The following TUBGCP3 variants were observed in gnomAD, a reference collection of about 807,000 sequenced individuals.
The protein encoded by TUBGCP3 is tubulin gamma complex component 3, also known as gamma-tubulin complex component 3.
TUBGCP3 carries 50 observed loss-of-function variants against 123.1 expected under a neutral mutation model. That is an observed-to-expected ratio of 0.41 (90% CI 0.32 to 0.51). The LOEUF is 0.51. TUBGCP3 is among the 20% of genes least tolerant of loss of function. The pLI, the probability that TUBGCP3 is intolerant of heterozygous loss-of-function variation, is 0.36. For missense variants in TUBGCP3, 882 were observed against 1,127.0 expected (o/e 0.78, Z 3.11); for synonymous variants, 405 against 413.9 (o/e 0.98, Z 0.26).
intron 14 of TUBGCP3, 69 bp from the exon 15 acceptor site, chr13:112,520,090 A>C: frequency 6.9e-7 from 1 of 1,459,598 alleles, no homozygotes; most frequent in Non-Finnish European, 9.3e-7. Context: ...AAAACGTATA[A>C]ACTATTAAAA....
intron 8 of TUBGCP3, among the ~76,000 whole-genome samples, 180 bp from the exon 9 acceptor site, chr13:112,548,356 GA>G (rs1359572976): frequency 6.6e-6 from 1 of 152,058 alleles, no homozygotes; most frequent in Admixed American, 6.5e-5. Context: ...TTAATAATAT[GA>G]AAAAAGTGTT....
rs2139071008 is a variant in TUBGCP3, at chr13:112,522,523, C to T, written c.1556-14G>A. ...ATAGGTCTGCAGCTGTAAAGAACAA[C>T]AGGGAAGAGCACACATGCATATGTA... On this transcript the variant is annotated splice_polypyrimidine_tract_variant and intron_variant, in intron 13 of 21. Coordinates refer to ENST00000261965, the MANE Select transcript of TUBGCP3 (RefSeq NM_006322.6). 2 of 1,603,680 alleles carry T rather than the reference C, an allele frequency of 1.2e-6. No individual in the cohort carries two copies. Among genetic ancestry groups the T allele is most frequent in the South Asian group, 1.1e-5 (1 of 90,392 alleles).
intron 16 of TUBGCP3, 76 bp downstream of exon 16, chr13:112,518,899 G>T: frequency 7.4e-7 from 1 of 1,349,746 alleles, no homozygotes; most frequent in Non-Finnish European, 1.1e-6. Flanking sequence ...CCCCAGAGAA[G>T]AAAGCCAATT....
intron 21 of TUBGCP3, among the ~76,000 whole-genome samples, chr13:112,487,111 C>T (rs1879739699): frequency 1.4e-5 from 2 of 147,826 alleles, no homozygotes; most frequent in South Asian, 4.3e-4. Context: ...GTATCACTGC[C>T]TTTTTAGGTG....
In TUBGCP3 at chr13:112,516,425, G is replaced by A. The variant is rs182022351; in HGVS notation, c.2086+15C>T. 2.1e-4 allele frequency: 326 copies of A among 1,585,462 alleles called. No individual in the cohort carries two copies. The highest frequency in any genetic ancestry group is 9.3e-4 in the African/African-American group (69 of 74,446). ...TGGGAGTGTGTGCGGACCCGTGACC[G>A]TGCTGGGGGCTCACCTGGCATGTTT... On this transcript the variant is annotated intron_variant, in intron 17 of 21. Transcript: ENST00000261965.
chr13:112,492,813 C>T (rs1880200565), intron 20 of TUBGCP3, among the ~76,000 whole-genome samples: 1 of 150,670 alleles, frequency 6.6e-6, no homozygotes, highest in African/African-American at 2.4e-5. Flanking sequence ...GTGCCTGAGA[C>T]GCTCTGGCTA....
Position 112,519,980 on chromosome 13 carries a change from T to G in TUBGCP3, c.1787A>C (p.Asn596Thr). ...AGCGGTTTCTAGAATTCCAGTCAAGTTATGCTGATACAAAGTCGTAGCTGG... is the reference window on the plus strand; with the variant it reads ...AGCGGTTTCTAGAATTCCAGTCAAGGTATGCTGATACAAAGTCGTAGCTGG... ...VRPATTLYQH[N>T]LTGILETAVR... Residue 596 changes from asparagine to threonine, a missense_variant, in exon 15 of 22, where the codon AAC becomes ACC. Asn to Thr is a moderately conservative substitution (Grantham distance 65). Coordinates refer to ENST00000261965, the MANE Select transcript of TUBGCP3 (RefSeq NM_006322.6). The surrounding 1 kb of genome is among the most constrained non-coding windows in gnomAD (Gnocchi z 6.2). 2.5e-6 allele frequency: 4 copies of G among 1,614,028 alleles called. No individual in the cohort carries two copies. The highest frequency in any genetic ancestry group is 3.4e-6 in the Non-Finnish European group (4 of 1,179,882).
chr13:112,566,580 T>C (rs1880965799), intron 2 of TUBGCP3, among the ~76,000 whole-genome samples: 1 of 152,212 alleles, frequency 6.6e-6, no homozygotes, highest in South Asian at 2.1e-4. Context: ...TAAAGTGCAT[T>C]ACACAAAATG....
the TUBGCP3 span, among the ~76,000 whole-genome samples, chr13:112,601,527 T>C: frequency 2.0e-5 from 3 of 152,286 alleles, no homozygotes; most frequent in African/African-American, 7.2e-5. Context: ...TAACGAGAAG[T>C]GTGTGCTGAG....
At chr13:112,569,315 C>T in intron 1 of TUBGCP3, 56 bp from the exon 2 acceptor site, 1 of 1,539,484 alleles carries the variant, frequency 6.5e-7, no homozygotes, top group Non-Finnish European at 9.0e-7. Flanking sequence ...GTTCTGGTCA[C>T]CTGAAGCTTC....
At chr13:112,537,969 A>C (rs1878205849) in intron 11 of TUBGCP3, among the ~76,000 whole-genome samples, 1 of 152,158 alleles carries the variant, frequency 6.6e-6, no homozygotes, top group Admixed American at 6.5e-5. Context: ...AGAATTCTTG[A>C]ATCATCATGG....
chr13:112,517,252 G>A (rs898089037), intron 16 of TUBGCP3, among the ~76,000 whole-genome samples: 7 of 152,162 alleles, frequency 4.6e-5, no homozygotes, highest in East Asian at 1.9e-4. Context: ...TCCTGGCCTC[G>A]AGTGATAGAT....
At chr13:112,579,554 G>T (rs903707628) in intron 1 of TUBGCP3, among the ~76,000 whole-genome samples, 10 of 141,288 alleles carry the variant, frequency 7.1e-5, no homozygotes, top group African/African-American at 2.7e-4. Context: ...ACTGCTGAGT[G>T]CCGGGGGGCC....
intron 16 of TUBGCP3, among the ~76,000 whole-genome samples, chr13:112,518,614 A>G (rs896435855): frequency 8.5e-5 from 13 of 152,232 alleles, no homozygotes; most frequent in Non-Finnish European, 1.9e-4. Context: ...TCTAAGTAGT[A>G]AAAATATGAT....
At chr13:112,557,614 A>T (rs1880151125) in intron 5 of TUBGCP3, among the ~76,000 whole-genome samples, 2 of 152,252 alleles carry the variant, frequency 1.3e-5, no homozygotes, top group Non-Finnish European at 2.9e-5. Flanking sequence ...CCATCCATGA[A>T]TGACAATGGC....
chr13:112,525,283 C>T (rs1464577780), intron 13 of TUBGCP3, among the ~76,000 whole-genome samples: 1 of 152,212 alleles, frequency 6.6e-6, no homozygotes, highest in East Asian at 1.9e-4. Context: ...AATTCTCCTC[C>T]TTCTCCATGG....
intron 21 of TUBGCP3, 69 bp downstream of exon 21, chr13:112,489,512 G>A (rs1278287200): frequency 8.8e-7 from 1 of 1,132,262 alleles, no homozygotes; most frequent in Non-Finnish European, 1.3e-6. Flanking sequence ...TCATCACTGT[G>A]AAAGCAACTG....
intron 8 of TUBGCP3, among the ~76,000 whole-genome samples, chr13:112,549,492 AAT>A (rs1879373515): frequency 6.6e-6 from 1 of 151,808 alleles, no homozygotes; most frequent in South Asian, 2.1e-4. Context: ...ATAATAAAAA[AAT>A]TAATTAATTA....
At chr13:112,572,187 G>A (rs1881454244) in intron 1 of TUBGCP3, among the ~76,000 whole-genome samples, 1 of 152,140 alleles carries the variant, frequency 6.6e-6, no homozygotes, top group South Asian at 2.1e-4. Context: ...TCCTCACCAA[G>A]CTTAACCATT....
Sources: gnomAD v4.1 joint callset for allele counts (sites outside exome capture counted in the v4.1 genomes callset) on GRCh38, gnomAD v4.1.1 for gene constraint, Gnocchi (gnomAD v3.1) non-coding constraint, MANE v1.5 for transcripts, NCBI Gene and HGNC (gene_info 2026-07-23, HGNC 2026-07-21) for gene names.